The following RFX7 variants were observed in gnomAD, a reference collection of about 807,000 sequenced individuals.
RFX7 encodes DNA-binding protein RFX7.
Under a neutral mutation model 111.8 loss-of-function variants are expected in RFX7, and 26 were observed. The ratio of observed to expected loss-of-function variants is 0.23; its 90% confidence interval spans 0.17 to 0.32. The LOEUF (loss-of-function observed/expected upper bound fraction) is 0.32, where lower values mean the gene tolerates loss of function less well. RFX7 is among the 10% of genes least tolerant of loss of function. The pLI is 1.00. For synonymous variants in RFX7, 624 were observed against 624.4 expected (o/e 1.00, Z 0.01); for missense variants, 1,573 against 1,772.9 (o/e 0.89, Z 2.02).
At position 56,190,343 on chromosome 15, in the gene RFX7, G is replaced by A. The variant is rs202016488; in HGVS notation, c.162-11040C>T. Among the ~76,000 whole-genome samples, 27 of 152,250 alleles carry A rather than the reference G, an allele frequency of 1.8e-4. No individual in the cohort carries two copies. The East Asian group carries it at 4.8e-3, about 27-fold the overall frequency. On this transcript the variant is annotated intron_variant, in intron 2 of 9. Transcript: ENST00000559447. Reference sequence around the variant, plus strand: ...CAGCATTCAGTGTCTGTACCCTTGGGTATGATTGCTTAGGCTGAAGGAAAT... The same window carrying A: ...CAGCATTCAGTGTCTGTACCCTTGGATATGATTGCTTAGGCTGAAGGAAAT...
At chr15:56,221,189 T>A (rs1442957385) in intron 2 of RFX7, among the ~76,000 whole-genome samples, 1 of 152,222 alleles carries the variant, frequency 6.6e-6, no homozygotes, top group East Asian at 1.9e-4. Context: ...CCACATAAAT[T>A]TTAAGTTTTT....
intron 2 of RFX7, chr15:56,189,744 T>G (rs2043081240): frequency 6.6e-6 from 1 of 152,182 alleles, no homozygotes; most frequent in Non-Finnish European, 1.5e-5. Flanking sequence ...TTGGCAAGGC[T>G]TTGAAGCAAC....
rs58795247 is a variant in RFX7, at chr15:56,224,467, T to TTGTGTGTGTGTGTG, written c.161+18644_161+18657dup. 7.4e-3 allele frequency among the ~76,000 whole-genome samples: 1,093 copies of TTGTGTGTGTGTGTG among 147,278 alleles called. 14 individuals are homozygous for TTGTGTGTGTGTGTG. Among genetic ancestry groups the TTGTGTGTGTGTGTG allele is most frequent in the South Asian group, 0.034 (156 of 4,552 alleles). On this transcript the variant is annotated intron_variant, in intron 2 of 9. Coordinates refer to ENST00000559447, the MANE Select transcript of RFX7 (RefSeq NM_022841.7). ...ACTCTCTTTTGCCAAGATTAGGATT[T>TTGTGTGTGTGTGTG]TGTGTGTGTGTGTGTGTGTGTGTGT...
intron 5 of RFX7, among the ~76,000 whole-genome samples, chr15:56,123,020 G>A (rs1383887778): frequency 1.3e-5 from 2 of 151,950 alleles, no homozygotes; most frequent in African/African-American, 4.8e-5. Context: ...CCTGGAATCG[G>A]GGACCCCAAA....
chr15:56,189,226 AT>A (rs1295541681), intron 2 of RFX7, among the ~76,000 whole-genome samples: 12 of 151,764 alleles, frequency 7.9e-5, no homozygotes, highest in Non-Finnish European at 1.6e-4. Context: ...ATTTCTACAA[AT>A]TTTTTTTTAA....
chr15:56,112,379 C>CAAAAAAAAAAAAAAAAAAAAGAAAAAAA (rs2041950389), intron 5 of RFX7, among the ~76,000 whole-genome samples: 2 of 71,768 alleles, frequency 2.8e-5, no homozygotes, highest in Non-Finnish European at 5.1e-5. Flanking sequence ...GAGTACAAAT[C>CAAAAAAAAAAAAAAAAAAAAGAAAAAAA]AAAAAAAAAA....
At chr15:56,177,067 T>C (rs2042911072) in intron 3 of RFX7, among the ~76,000 whole-genome samples, 1 of 152,158 alleles carries the variant, frequency 6.6e-6, no homozygotes, top group Admixed American at 6.6e-5. Flanking sequence ...AACTTTTCTA[T>C]CATTCTCTAC....
At chr15:56,238,564 G>C (rs1368139161) in intron 2 of RFX7, among the ~76,000 whole-genome samples, 2 of 152,102 alleles carry the variant, frequency 1.3e-5, no homozygotes, top group Non-Finnish European at 2.9e-5. Context: ...TTTCCATAAA[G>C]TGGGCAAAAC....
rs2140516256 is a variant in RFX7, at chr15:56,096,629, A to G, written c.1108-9T>C. 1 of 1,554,830 alleles carries G rather than the reference A, an allele frequency of 6.4e-7. No homozygotes were observed. The highest frequency in any genetic ancestry group is 2.4e-5 in the East Asian group (1 of 42,224). ...TGCCTAGTCCGCTGGACCTGTTAAA[A>G]GATAGCAAAAAATCAGATTTAACAG... On this transcript the variant is annotated splice_polypyrimidine_tract_variant and intron_variant, in intron 9 of 9. Coordinates refer to ENST00000559447, the MANE Select transcript of RFX7 (RefSeq NM_022841.7).
At chr15:56,217,073 A>C (rs2043369789) in intron 2 of RFX7, among the ~76,000 whole-genome samples, 1 of 152,222 alleles carries the variant, frequency 6.6e-6, no homozygotes, top group Non-Finnish European at 1.5e-5. Context: ...TACAACCAAA[A>C]ACTATATGCT....
intron 3 of RFX7, among the ~76,000 whole-genome samples, chr15:56,162,180 T>G (rs2042727626): frequency 6.6e-6 from 1 of 152,076 alleles, no homozygotes; most frequent in South Asian, 2.1e-4. Flanking sequence ...CACAATGCTT[T>G]CAAAAAACTG....
rs756395339 is a variant in RFX7, at chr15:56,094,124, G to A, written c.3604C>T (p.Pro1202Ser). ...ACATTTGTGAAAACATGAACTTCTG[G>A]GGTAACTGGACTTCCAAAGGGGGTC... ...NVTPFGSPVT[P>S]EVHVFTNVHT... is the part of the protein sequence containing the mutation. Residue 1202 changes from proline to serine, a missense_variant, in exon 10 of 10, where the codon CCA becomes TCA. Transcript: ENST00000559447. 1 of 1,613,940 alleles carries A rather than the reference G, an allele frequency of 6.2e-7. No individual in the cohort carries two copies. Among genetic ancestry groups the A allele is most frequent in the Non-Finnish European group, 8.5e-7 (1 of 1,179,868 alleles).
chr15:56,175,964 G>A (rs1193205512), intron 3 of RFX7, among the ~76,000 whole-genome samples: 1 of 152,148 alleles, frequency 6.6e-6, no homozygotes, highest in Non-Finnish European at 1.5e-5. Flanking sequence ...ACTTTAGGTA[G>A]TAGTAACTAT....
intron 3 of RFX7, chr15:56,160,873 A>G (rs1407759104): frequency 1.3e-5 from 2 of 152,084 alleles, no homozygotes; most frequent in Non-Finnish European, 2.9e-5. Context: ...TATGAGGACC[A>G]CTGGGGGTGG....
At chr15:56,212,102 A>C (rs1252256152) in intron 2 of RFX7, among the ~76,000 whole-genome samples, 1 of 152,218 alleles carries the variant, frequency 6.6e-6, no homozygotes, top group African/African-American at 2.4e-5. Flanking sequence ...TTTGGAAGCA[A>C]CACAAATGTC....
intron 3 of RFX7, among the ~76,000 whole-genome samples, chr15:56,170,362 A>G (rs1295953476): frequency 1.3e-5 from 2 of 152,208 alleles, no homozygotes; most frequent in African/African-American, 2.4e-5. Flanking sequence ...TGTTACGAAC[A>G]AAGAAGGAAC....
intron 5 of RFX7, among the ~76,000 whole-genome samples, chr15:56,136,140 C>T (rs1449203326): frequency 3.3e-5 from 5 of 151,984 alleles, no homozygotes; most frequent in Non-Finnish European, 7.4e-5. Context: ...TAGTTTTTTA[C>T]AATTCTGTGA....
intron 2 of RFX7, among the ~76,000 whole-genome samples, chr15:56,241,066 T>C (rs1186069079): frequency 1.3e-5 from 2 of 152,148 alleles, no homozygotes; most frequent in Non-Finnish European, 2.9e-5. Context: ...AAAATCATTT[T>C]TGCAAATAGG....
At chr15:56,153,506 A>G (rs1018387126) in intron 3 of RFX7, among the ~76,000 whole-genome samples, 137 of 152,332 alleles carry the variant, frequency 9.0e-4, no homozygotes, top group Non-Finnish European at 1.4e-3. Flanking sequence ...TCCCATCCAC[A>G]TAAACCCAAT....
Sources: allele counts gnomAD v4.1 joint callset (sites outside exome capture counted in the v4.1 genomes callset), GRCh38; gene constraint gnomAD v4.1.1; transcripts MANE v1.5; gene names NCBI Gene and HGNC (gene_info 2026-07-23, HGNC 2026-07-21).